The following UGGT1 variants were observed in gnomAD, a reference collection of about 807,000 sequenced individuals.
UGGT1 encodes UDP-glucose glycoprotein glucosyltransferase 1, also known as UDP-glucose:glycoprotein glucosyltransferase 1.
In UGGT1, 107 loss-of-function variants were observed where a neutral mutation model predicts 203.9. That is an observed-to-expected ratio of 0.52 (90% CI 0.45 to 0.62). UGGT1 has a LOEUF of 0.62. Ranked by LOEUF, UGGT1 falls within the 20% of genes least tolerant of loss-of-function variation. The pLI is 0.00. For missense variants in UGGT1, 1,673 were observed against 1,867.2 expected (o/e 0.90, Z 1.92); for synonymous variants, 628 against 653.5 (o/e 0.96, Z 0.59).
In UGGT1 at chr2:128,175,000, A is replaced by G. The variant is rs1691302185; in HGVS notation, c.3539+142A>G. The G allele has an allele frequency of 2.8e-5, 18 of 644,090 alleles. No homozygotes were observed. The South Asian group carries it at 3.9e-4, about 14-fold the overall frequency. 39.9% of individuals were successfully genotyped at this position (644,090 alleles called of 1,614,324 possible). On this transcript the variant is annotated intron_variant, in intron 31 of 40. Transcript: ENST00000259253. ...GTGATGAAACAGTGGTTTTTCCAGG[A>G]AATTAAATATGGAAGAATTGTTAGA... is the stretch of plus-strand genomic sequence containing the variant.
At chr2:128,105,285 C>T (rs1320174027) in intron 3 of UGGT1, among the ~76,000 whole-genome samples, 2 of 150,482 alleles carry the variant, frequency 1.3e-5, no homozygotes, top group Non-Finnish European at 3.0e-5. Context: ...ACTTTTTTCA[C>T]TCTGTGATCT....
rs755677543 is a variant in UGGT1 at position 128,177,853 on chromosome 2, G to A, written c.3646G>A (p.Val1216Met). ...KVKVQKKADM[V>M]NEDLLSDGTS... ...GCAGGTTCAGAAGAAGGCAGATATG[G>A]TGAACGAAGACTTGCTGAGTGATGG... is the stretch of plus-strand genomic sequence containing the variant. The change falls in exon 33 of 41, where the codon GTG (valine) becomes ATG (methionine). Residue 1216 changes from valine to methionine, a missense_variant. By Grantham distance (21) the Val-to-Met change is conservative. This residue lies in a region of UGGT1 where 513 missense variants were observed against 684.1 expected (regional missense o/e 0.75). Coordinates refer to ENST00000259253, the MANE Select transcript of UGGT1 (RefSeq NM_020120.4). 1 of 1,601,834 alleles carries A rather than the reference G, an allele frequency of 6.2e-7. No homozygotes were observed. The highest frequency in any genetic ancestry group is 8.5e-7 in the Non-Finnish European group (1 of 1,174,564).
intron 37 of UGGT1, among the ~76,000 whole-genome samples, chr2:128,183,106 A>T (rs527324051): frequency 6.6e-6 from 1 of 152,224 alleles, no homozygotes; most frequent in South Asian, 2.1e-4. Flanking sequence ...AAATTCCTAG[A>T]CGTAGACCTT....
chr2:128,127,213 T>A, intron 11 of UGGT1, 148 bp from the exon 12 acceptor site: 1 of 620,802 alleles, frequency 1.6e-6, no homozygotes, highest in Non-Finnish European at 2.9e-6. Context: ...CCTGTCTTAC[T>A]TGCCATTGAA....
chr2:128,179,596 G>A (rs1277280580), intron 34 of UGGT1, among the ~76,000 whole-genome samples, 190 bp from the exon 35 acceptor site: 1 of 152,212 alleles, frequency 6.6e-6, no homozygotes, highest in African/African-American at 2.4e-5. Context: ...CTTCTCTTTA[G>A]TGATAACTTC....
chr2:128,141,692 G>A (rs182802467), intron 16 of UGGT1, among the ~76,000 whole-genome samples: 326 of 151,212 alleles, frequency 2.2e-3, no homozygotes, highest in Middle Eastern at 3.5e-3. Flanking sequence ...CTGCCACCAC[G>A]CCCAGCTAAT....
At chr2:128,189,127 C>T (rs1338333597) in intron 40 of UGGT1, among the ~76,000 whole-genome samples, 3 of 152,080 alleles carry the variant, frequency 2.0e-5, no homozygotes, top group Admixed American at 1.3e-4. Flanking sequence ...GTTTGGGAGG[C>T]GGTGATGAAA....
intron 3 of UGGT1, among the ~76,000 whole-genome samples, chr2:128,107,331 C>T (rs1295979635): frequency 6.6e-6 from 1 of 151,822 alleles, no homozygotes; most frequent in Non-Finnish European, 1.5e-5. Context: ...TGTTTAAATG[C>T]TTCTTTTCAA....
At chr2:128,100,090 C>T (rs545465911) in intron 2 of UGGT1, among the ~76,000 whole-genome samples, 43 of 130,258 alleles carry the variant, frequency 3.3e-4, no homozygotes, top group Admixed American at 6.7e-4. Flanking sequence ...AGTTCAGTGG[C>T]GCCATCTTGG....
chr2:128,179,029 T>C (rs1330434351), intron 34 of UGGT1, among the ~76,000 whole-genome samples: 1 of 152,156 alleles, frequency 6.6e-6, no homozygotes, highest in East Asian at 1.9e-4. Context: ...GGGACTTGTC[T>C]AAGGTCACAC....
intron 17 of UGGT1, 124 bp downstream of exon 17, chr2:128,143,349 GT>G: frequency 1.8e-6 from 2 of 1,117,898 alleles, no homozygotes; most frequent in Non-Finnish European, 2.4e-6. Context: ...GCATTTAAAA[GT>G]TTAGAAACCA....
chr2:128,118,016 G>GA (rs1688211305), intron 8 of UGGT1, among the ~76,000 whole-genome samples: 4 of 145,894 alleles, frequency 2.7e-5, no homozygotes, highest in African/African-American at 4.9e-5. Context: ...GAGAGAGAGA[G>GA]GGAAAGAGAG....
chr2:128,195,377 C>T lies in UGGT1; in HGVS notation c.*5635C>T, dbSNP rs1402936554. The stretch of plus-strand genomic sequence containing the variant: ...GTTGACAACAAAAGATTATCAAGTA[C>T]CATGTTTTCCAACCAACCAGTTATT... On this transcript the variant is annotated 3_prime_UTR_variant, in exon 41 of 41. Transcript: ENST00000259253. The T allele has an allele frequency of 6.6e-6, 1 of 152,148 alleles. No homozygotes were observed. The highest frequency in any genetic ancestry group is 1.5e-5 in the Non-Finnish European group (1 of 68,040). The allele number at this position is 152,148 out of a possible 1,614,324, so 9.4% of individuals were successfully genotyped here.
intron 2 of UGGT1, among the ~76,000 whole-genome samples, chr2:128,097,939 G>A (rs543436500): frequency 3.7e-4 from 57 of 152,276 alleles, no homozygotes; most frequent in African/African-American, 1.3e-3. Flanking sequence ...TTGGCTCACT[G>A]TGACCTCCGC....
chr2:128,141,152 C>T lies in UGGT1; in HGVS notation c.1720-1942C>T, dbSNP rs549927386. 1.8e-3 allele frequency among the ~76,000 whole-genome samples: 278 copies of T among 152,058 alleles called. 1 individual carries two copies. Among genetic ancestry groups the T allele is most frequent in the Non-Finnish European group, 3.0e-3 (207 of 67,976 alleles). Reference sequence around the variant, plus strand: ...CAGCCTGGCCAACATGGTGAAACCCCGTTTCTACTAAAAATACAAAAATTG... The same window carrying T: ...CAGCCTGGCCAACATGGTGAAACCCTGTTTCTACTAAAAATACAAAAATTG... On this transcript the variant is annotated intron_variant, in intron 16 of 40. Coordinates refer to ENST00000259253, the MANE Select transcript of UGGT1 (RefSeq NM_020120.4).
rs940415373 is a variant in UGGT1 at position 128,191,033 on chromosome 2, T to C, written c.*1291T>C. ...TAGAGTCTTGAGTATGTTATTGGCC[T>C]AAGTGGGCATGAGGCCCCAGCATCC... On this transcript the variant is annotated 3_prime_UTR_variant, in exon 41 of 41. Transcript: ENST00000259253. 3.3e-5 allele frequency: 5 copies of C among 152,388 alleles called. No individual in the cohort carries two copies. Among genetic ancestry groups the C allele is most frequent in the African/African-American group, 1.2e-4 (5 of 41,592 alleles). The allele number at this position is 152,388 out of a possible 1,614,324, so 9.4% of individuals were successfully genotyped here.
At chr2:128,153,016 C>G in intron 19 of UGGT1, 112 bp downstream of exon 19, 1 of 1,469,326 alleles carries the variant, frequency 6.8e-7, no homozygotes, top group Non-Finnish European at 9.1e-7. Flanking sequence ...CAGAAGATAG[C>G]CCAAGATTGT....
intron 37 of UGGT1, 129 bp downstream of exon 37, chr2:128,182,419 G>T (rs1691740497): frequency 8.2e-7 from 1 of 1,225,842 alleles, no homozygotes; most frequent in Non-Finnish European, 1.1e-6. Flanking sequence ...ATACACAGTG[G>T]CTGGGTGCAG....
At chr2:128,092,126 A>G (rs1380648991) in intron 1 of UGGT1, among the ~76,000 whole-genome samples, 1 of 152,156 alleles carries the variant, frequency 6.6e-6, no homozygotes, top group East Asian at 1.9e-4. Flanking sequence ...ATTTTAGTGT[A>G]AAGTGCCCTC....
Sources: allele counts gnomAD v4.1 joint callset (sites outside exome capture counted in the v4.1 genomes callset), GRCh38; gene constraint gnomAD v4.1.1; regional missense constraint gnomAD v4.1.1; transcripts MANE v1.5; gene names NCBI Gene and HGNC (gene_info 2026-07-23, HGNC 2026-07-21).